Variants in PCM1 observed in about 807,000 individuals in gnomAD.
The protein encoded by PCM1 is pericentriolar material 1.
A neutral mutation model predicts 241.9 loss-of-function variants in PCM1; 157 were observed. That is an observed-to-expected ratio of 0.65 (90% CI 0.57 to 0.74). PCM1 has a LOEUF of 0.74. Among genes scored for constraint, PCM1 ranks in the 30% least tolerant of loss-of-function variants. PCM1 has a pLI of 0.00. For synonymous variants in PCM1, 1,085 were observed against 784.9 expected (o/e 1.38, Z -6.39); for missense variants, 3,478 against 2,360.1 (o/e 1.47, Z -9.81).
intron 20 of PCM1, 44 bp from the exon 21 acceptor site, chr8:17,966,932 ATATG>A: frequency 6.8e-7 from 1 of 1,476,964 alleles, no homozygotes; most frequent in South Asian, 1.3e-5. Context: ...TACTTTATAT[ATATG>A]GCAATATAAC....
At chr8:17,928,410 A>G (rs909494221) in intron 2 of PCM1, among the ~76,000 whole-genome samples, 2 of 151,872 alleles carry the variant, frequency 1.3e-5, no homozygotes, top group Non-Finnish European at 2.9e-5. Flanking sequence ...ACTTAGGAAC[A>G]CCTTTGGTTT....
intron 9 of PCM1, among the ~76,000 whole-genome samples, chr8:17,954,771 A>G (rs939896219): frequency 6.6e-6 from 1 of 152,218 alleles, no homozygotes; most frequent in African/African-American, 2.4e-5. Flanking sequence ...TCCTCTTGAA[A>G]GCATGATTTA....
intron 30 of PCM1, 108 bp from the exon 31 acceptor site, chr8:18,009,439 C>A: frequency 1.4e-6 from 1 of 696,492 alleles, no homozygotes; most frequent in Non-Finnish European, 2.4e-6. Flanking sequence ...CCTATCTTTC[C>A]TTAGTAATCA....
intron 29 of PCM1, among the ~76,000 whole-genome samples, chr8:18,002,050 TAA>T (rs1564303748): frequency 1.5e-5 from 1 of 68,158 alleles, no homozygotes; most frequent in African/African-American, 9.5e-5. Flanking sequence ...AGAGATCTGT[TAA>T]ATTTTTTTTT....
intron 23 of PCM1, among the ~76,000 whole-genome samples, chr8:17,979,090 C>G (rs901033873): frequency 4.0e-5 from 6 of 149,226 alleles, no homozygotes; most frequent in South Asian, 2.1e-4. Flanking sequence ...TGTCACTGTA[C>G]TTGAGCCTGG....
At chr8:17,990,107 T>C (rs1439887537) in intron 27 of PCM1, 128 bp downstream of exon 27, 4 of 649,996 alleles carry the variant, frequency 6.2e-6, no homozygotes, top group Non-Finnish European at 9.5e-6. Context: ...GTGGACTTAA[T>C]TATCTATCAG....
intron 24 of PCM1, 74 bp from the exon 25 acceptor site, chr8:17,985,373 A>T: frequency 1.1e-6 from 1 of 913,330 alleles, no homozygotes; most frequent in Admixed American, 3.1e-5. Context: ...GCTGAGAGTA[A>T]TGATACTAGC....
At chr8:17,959,569 A>T (rs2070612303) in intron 13 of PCM1, among the ~76,000 whole-genome samples, 1 of 41,210 alleles carries the variant, frequency 2.4e-5, no homozygotes, top group Admixed American at 1.7e-4. Context: ...ACACAACTTA[A>T]TTGGTCTCTA....
chr8:17,963,321 A>C (rs1418508041), intron 17 of PCM1, 30 bp downstream of exon 17: 2 of 1,527,664 alleles, frequency 1.3e-6, no homozygotes, highest in Non-Finnish European at 1.8e-6. Flanking sequence ...CACTTTTCTA[A>C]AAATGTCACC....
intron 10 of PCM1, 91 bp from the exon 11 acceptor site, chr8:17,956,513 G>A: frequency 1.3e-6 from 1 of 769,438 alleles, no homozygotes. Flanking sequence ...TCTAAATTTT[G>A]TTTCTGTTAG....
Position 18,006,886 on chromosome 8 carries a change from T to G in PCM1, c.4962+489T>G, listed in dbSNP as rs142171162. Reference sequence around the variant, plus strand: ...ACATTTAGCAGTGTCTGCAGCCATTTTGTTTATCACAGCAAGTAGTGTGGA... The same window carrying G: ...ACATTTAGCAGTGTCTGCAGCCATTGTGTTTATCACAGCAAGTAGTGTGGA... On this transcript the variant is annotated intron_variant, in intron 30 of 38. Coordinates refer to ENST00000325083, the MANE Select transcript of PCM1 (RefSeq NM_006197.4). Among the ~76,000 whole-genome samples the G allele has an allele frequency of 1.1e-3, 160 of 152,294 alleles. 1 individual carries two copies. The highest frequency in any genetic ancestry group is 3.7e-3 in the African/African-American group (153 of 41,568).
rs754793715 is a variant in PCM1 at position 18,013,956 on chromosome 8, C to A, written c.5512-8C>A. The A allele has an allele frequency of 1.3e-6, 2 of 1,572,676 alleles. No individual in the cohort carries two copies. Among genetic ancestry groups the A allele is most frequent in the Non-Finnish European group, 1.7e-6 (2 of 1,154,056 alleles). Reference sequence around the variant, plus strand: ...AGGCCCTGCTATTAAAACATTTTTCCCTTCTAGGTCCTACAACGTGACTTT... The same window carrying A: ...AGGCCCTGCTATTAAAACATTTTTCACTTCTAGGTCCTACAACGTGACTTT... On this transcript the variant is annotated splice_polypyrimidine_tract_variant and splice_region_variant and intron_variant, in intron 34 of 38. Transcript: ENST00000325083.
In PCM1 at chr8:17,962,181, T is replaced by G; in HGVS notation, c.2463+7T>G. On this transcript the variant is annotated splice_region_variant and intron_variant, in intron 16 of 38. Coordinates refer to ENST00000325083, the MANE Select transcript of PCM1 (RefSeq NM_006197.4). ...TTCAATAGTAGATAATGAGGTATTG[T>G]AAATTGTACTCTCTTGTTCCTGAGT... 1.3e-6 allele frequency: 2 copies of G among 1,595,804 alleles called. No homozygotes were observed. Among genetic ancestry groups the G allele is most frequent in the Non-Finnish European group, 1.7e-6 (2 of 1,169,256 alleles).
Position 18,029,760 on chromosome 8 carries a change from G to C in PCM1, c.*2098G>C. The stretch of plus-strand genomic sequence containing the variant: ...TATTCCTATTTGTCCTAATTTTGAA[G>C]TTAAAAATTTTGGTTACAGATAGAT... On this transcript the variant is annotated 3_prime_UTR_variant, in exon 39 of 39. Coordinates refer to ENST00000325083, the MANE Select transcript of PCM1 (RefSeq NM_006197.4). 5.1e-6 allele frequency: 1 copy of C among 194,986 alleles called. No homozygotes were observed. Among genetic ancestry groups the C allele is most frequent in the Non-Finnish European group, 1.1e-5 (1 of 93,732 alleles). The allele number at this position is 194,986 out of a possible 1,614,324, so 12.1% of individuals were successfully genotyped here. A position where few individuals can be genotyped will look rare whatever the true frequency, so the allele number is the denominator to read the frequency against.
At chr8:17,990,789 A>G (rs1431233040) in intron 27 of PCM1, among the ~76,000 whole-genome samples, 2 of 152,192 alleles carry the variant, frequency 1.3e-5, no homozygotes, top group African/African-American at 4.8e-5. Flanking sequence ...CACTATAAAG[A>G]AAAGGACTTA....
chr8:17,956,757 C>T lies in PCM1; in HGVS notation c.1626C>T (p.Ser542=), dbSNP rs778501178. The change falls in exon 11 of 39, where the codon TCC becomes TCT. Residue 542 remains serine (S), a synonymous_variant. Transcript: ENST00000325083. ...AATATGATTCTGAGCATGAAAATTC[C>T]GAGCCTGTTACTAACATTCGGTAAG... ...ESEYDSEHEN[S]EPVTNIRNPQ... 2.7e-5 allele frequency: 43 copies of T among 1,608,188 alleles called. No homozygotes were observed. Among genetic ancestry groups the T allele is most frequent in the Admixed American group, 6.7e-5 (4 of 59,362 alleles).
At chr8:17,928,816 GAA>G (rs1017026529) in intron 2 of PCM1, among the ~76,000 whole-genome samples, 23 of 151,736 alleles carry the variant, frequency 1.5e-4, no homozygotes, top group Admixed American at 1.1e-3. Flanking sequence ...ATTTTTAGTG[GAA>G]ACAGGGTTTC....
rs557921850 is a variant in PCM1, at chr8:17,991,707, A to AT, written c.4690+12dup. 1.3e-4 allele frequency: 196 copies of AT among 1,539,564 alleles called. No homozygotes were observed. In the African/African-American group the frequency reaches 1.4e-3, roughly 11 times the overall value. On this transcript the variant is annotated splice_region_variant and intron_variant, in intron 28 of 38. Coordinates refer to ENST00000325083, the MANE Select transcript of PCM1 (RefSeq NM_006197.4). ...ACAGTTAATAATTTAGAAGGTATAT[A>AT]TTTTTGTTTTCGGTAGGTTTTTGGA...
intron 7 of PCM1, among the ~76,000 whole-genome samples, chr8:17,947,635 C>G (rs192020515): frequency 5.3e-5 from 8 of 152,256 alleles, no homozygotes; most frequent in Non-Finnish European, 1.0e-4. Context: ...GGCTGTAGTT[C>G]TGTTTTTGTA....
Sources: gnomAD v4.1 joint callset for allele counts (sites outside exome capture counted in the v4.1 genomes callset) on GRCh38, gnomAD v4.1.1 for gene constraint, MANE v1.5 for transcripts, NCBI Gene and HGNC (gene_info 2026-07-23, HGNC 2026-07-21) for gene names.